REDIC1: variants seen among roughly 807,000 people sequenced by gnomAD.
REDIC1 encodes the protein HEI10 Interacting Protein 1.
the REDIC1 span, among the ~76,000 whole-genome samples, chr12:39,711,250 A>G: frequency 2.7e-5 from 4 of 149,770 alleles, no homozygotes; most frequent in African/African-American, 7.3e-5. Flanking sequence ...TGTGATGTGT[A>G]TATATATATG....
the REDIC1 span, among the ~76,000 whole-genome samples, chr12:39,663,333 T>C: frequency 6.6e-6 from 1 of 152,068 alleles, no homozygotes. Context: ...TGTATCCTCC[T>C]GCTGAATTGA....
the REDIC1 span, among the ~76,000 whole-genome samples, chr12:39,840,024 C>CT: frequency 5.3e-5 from 8 of 151,330 alleles, no homozygotes; most frequent in Admixed American, 6.6e-5. Flanking sequence ...ACTCTCCATT[C>CT]TTTTTTTTTG....
chr12:39,892,985 A>T, the REDIC1 span, among the ~76,000 whole-genome samples: 2 of 152,290 alleles, frequency 1.3e-5, no homozygotes, highest in South Asian at 2.1e-4. Context: ...AATTTAAAAA[A>T]TTTTTTGATG....
chr12:39,800,202 C>T, the REDIC1 span, among the ~76,000 whole-genome samples: 10 of 152,078 alleles, frequency 6.6e-5, no homozygotes, highest in South Asian at 6.2e-4. Context: ...TTGGTGCTGA[C>T]GTGCTTTGAA....
the REDIC1 span, chr12:39,650,151 CA>C: frequency 2.4e-6 from 3 of 1,250,552 alleles, no homozygotes; most frequent in Non-Finnish European, 3.1e-6. This position sits in a 1 kb window ranked among gnomAD's most constrained non-coding sequence, Gnocchi z 4.3. Context: ...AAATGTAGTT[CA>C]TTTACATGAC....
the REDIC1 span, among the ~76,000 whole-genome samples, chr12:39,713,393 GAC>G: frequency 3.5e-5 from 5 of 141,728 alleles, no homozygotes; most frequent in East Asian, 2.2e-4. Context: ...TATGTGTGTA[GAC>G]ACATACGTAT....
At chr12:39,659,974 C>G in the REDIC1 span, among the ~76,000 whole-genome samples, 1 of 152,090 alleles carries the variant, frequency 6.6e-6, no homozygotes, top group Non-Finnish European at 1.5e-5. Context: ...ACCAATAAGC[C>G]TTCAGTTTGT....
the REDIC1 span, among the ~76,000 whole-genome samples, chr12:39,691,465 T>G: frequency 6.6e-6 from 1 of 152,162 alleles, no homozygotes; most frequent in Non-Finnish European, 1.5e-5. Flanking sequence ...GGGTACATTC[T>G]CTAATCAAAA....
At chr12:39,647,603 T>C in the REDIC1 span, among the ~76,000 whole-genome samples, 2 of 152,014 alleles carry the variant, frequency 1.3e-5, no homozygotes, top group South Asian at 4.1e-4. Flanking sequence ...TGCTCTTCAG[T>C]ATAGCCTTCA....
the REDIC1 span, among the ~76,000 whole-genome samples, chr12:39,837,896 C>G: frequency 1.3e-5 from 2 of 150,896 alleles, no homozygotes; most frequent in Admixed American, 1.3e-4. Context: ...GTTGGTGGGA[C>G]TGTAAACTAG....
chr12:39,896,140 AC>A, the REDIC1 span, among the ~76,000 whole-genome samples: 11 of 147,676 alleles, frequency 7.4e-5, no homozygotes, highest in East Asian at 2.0e-4. Flanking sequence ...ATACACGTGT[AC>A]CTATATATGT....
At chr12:39,778,975 G>C in the REDIC1 span, among the ~76,000 whole-genome samples, 2 of 152,024 alleles carry the variant, frequency 1.3e-5, no homozygotes, top group Non-Finnish European at 2.9e-5. Flanking sequence ...CTAATTGCAG[G>C]GAAAAGAACT....
the REDIC1 span, among the ~76,000 whole-genome samples, chr12:39,877,397 C>T: frequency 6.6e-6 from 1 of 152,084 alleles, no homozygotes; most frequent in Non-Finnish European, 1.5e-5. Flanking sequence ...GAATTGGAAC[C>T]CCCCCTCCAT....
the REDIC1 span, among the ~76,000 whole-genome samples, chr12:39,647,398 A>G: frequency 6.6e-6 from 1 of 152,090 alleles, no homozygotes; most frequent in Non-Finnish European, 1.5e-5. Flanking sequence ...ATTGTTAGCT[A>G]TCATTTTTTT....
the REDIC1 span, among the ~76,000 whole-genome samples, chr12:39,883,217 T>G: frequency 6.6e-6 from 1 of 152,178 alleles, no homozygotes; most frequent in Non-Finnish European, 1.5e-5. Context: ...AAAGAAATTT[T>G]TTTTAAAAAA....
At chr12:39,711,869 G>GTA in the REDIC1 span, among the ~76,000 whole-genome samples, 1 of 12,482 alleles carries the variant, frequency 8.0e-5, no homozygotes, top group East Asian at 2.3e-3. Context: ...GTGTATACAC[G>GTA]TATACACATG....
chr12:39,705,122 G>A, the REDIC1 span, among the ~76,000 whole-genome samples: 2 of 151,694 alleles, frequency 1.3e-5, no homozygotes, highest in Non-Finnish European at 2.9e-5. Flanking sequence ...AATCAGAGAT[G>A]AAAAAGGAAC....
At chr12:39,804,500 C>G in the REDIC1 span, among the ~76,000 whole-genome samples, 1 of 152,118 alleles carries the variant, frequency 6.6e-6, no homozygotes, top group African/African-American at 2.4e-5. Flanking sequence ...ATTTACTGTA[C>G]TCATGCTTAT....
the REDIC1 span, among the ~76,000 whole-genome samples, chr12:39,712,399 T>TATATATACATAC: frequency 2.2e-5 from 3 of 135,034 alleles, no homozygotes; most frequent in African/African-American, 7.9e-5. Context: ...TACCTGTATG[T>TATATATACATAC]ATATATACAT....
Sources: allele counts gnomAD v4.1 joint callset (sites outside exome capture counted in the v4.1 genomes callset), GRCh38; gene constraint gnomAD v4.1.1; non-coding constraint Gnocchi (gnomAD v3.1); transcripts MANE v1.5; gene names NCBI Gene and HGNC (gene_info 2026-07-23, HGNC 2026-07-21).